The following GGNBP2 variants were observed in gnomAD, a reference collection of about 807,000 sequenced individuals.
GGNBP2 encodes gametogenetin binding protein 2.
Under a neutral mutation model 85.9 loss-of-function variants are expected in GGNBP2, and 10 were observed. That is an observed-to-expected ratio of 0.12 (90% CI 0.07 to 0.20). GGNBP2 has a LOEUF of 0.20. GGNBP2 is among the 10% of genes least tolerant of loss of function. The pLI, the probability that GGNBP2 is intolerant of heterozygous loss-of-function variation, is 1.00. For synonymous variants in GGNBP2, 287 were observed against 285.7 expected, an observed-to-expected ratio of 1.00 and a Z score of -0.05; for missense variants, 595 against 857.8, an observed-to-expected ratio of 0.69 and a Z score of 3.83.
At chr17:36,573,338 C>G (rs1416427030) in intron 6 of GGNBP2, among the ~76,000 whole-genome samples, 3 of 152,232 alleles carry the variant, frequency 2.0e-5, no homozygotes, top group Non-Finnish European at 4.4e-5. Context: ...GTCTTGAACT[C>G]CAGACCTCAA....
chr17:36,558,865 A>G (rs1210885526), intron 4 of GGNBP2, among the ~76,000 whole-genome samples: 2 of 152,048 alleles, frequency 1.3e-5, no homozygotes, highest in East Asian at 3.9e-4. Flanking sequence ...CTGTATTGAG[A>G]ATGAATGACG....
chr17:36,557,039 C>T (rs748263508), intron 3 of GGNBP2, 44 bp from the exon 4 acceptor site: 138 of 1,608,852 alleles, frequency 8.6e-5, no homozygotes, highest in Non-Finnish European at 1.1e-4. Flanking sequence ...TGTAATTTTA[C>T]GTCTTTTTAA....
intron 3 of GGNBP2, among the ~76,000 whole-genome samples, chr17:36,556,556 T>C (rs1360342064): frequency 1.3e-5 from 2 of 151,746 alleles, no homozygotes; most frequent in Non-Finnish European, 2.9e-5. Context: ...ATACTAAAAT[T>C]AGCCGGGCGT....
At chr17:36,546,131 G>A (rs2142657590) in intron 2 of GGNBP2, 1 of 425,510 alleles carries the variant, frequency 2.4e-6, no homozygotes, top group African/African-American at 2.0e-5. Flanking sequence ...GGGGTTGAAG[G>A]ATCTTGGGCG....
chr17:36,545,593 A>G (rs559151966), intron 1 of GGNBP2, 26 bp from the exon 2 acceptor site: 27 of 665,346 alleles, frequency 4.1e-5, no homozygotes, highest in Non-Finnish European at 7.0e-5. Context: ...GCGGGTGCTT[A>G]CGCTCGCGGG....
At chr17:36,558,231 C>T (rs888162670) in intron 4 of GGNBP2, among the ~76,000 whole-genome samples, 3 of 151,356 alleles carry the variant, frequency 2.0e-5, no homozygotes, top group Admixed American at 6.6e-5. Context: ...CTGGGCAACA[C>T]GCTGAAACCG....
At chr17:36,583,755 G>T (rs981965513) in intron 9 of GGNBP2, among the ~76,000 whole-genome samples, 21 of 152,186 alleles carry the variant, frequency 1.4e-4, no homozygotes, top group Non-Finnish European at 2.8e-4. Context: ...AAGCCACTGT[G>T]CCTGGCTGGG....
chr17:36,570,152 T>C (rs2074508968), intron 6 of GGNBP2, among the ~76,000 whole-genome samples: 1 of 151,330 alleles, frequency 6.6e-6, no homozygotes, highest in Non-Finnish European at 1.5e-5. Flanking sequence ...CCAAGTCAGG[T>C]AGATGGTTTG....
At chr17:36,555,872 C>T (rs772566331) in intron 3 of GGNBP2, among the ~76,000 whole-genome samples, 2 of 152,128 alleles carry the variant, frequency 1.3e-5, no homozygotes, top group African/African-American at 2.4e-5. Flanking sequence ...TTAGTATTTC[C>T]TGTCAAATAT....
intron 5 of GGNBP2, among the ~76,000 whole-genome samples, chr17:36,565,681 A>G (rs1008457008): frequency 1.3e-5 from 2 of 152,096 alleles, no homozygotes; most frequent in African/African-American, 4.8e-5. Flanking sequence ...GCAGATCACG[A>G]GGTCAGGAGT....
At chr17:36,572,549 C>G (rs967616008) in intron 6 of GGNBP2, among the ~76,000 whole-genome samples, 1 of 151,984 alleles carries the variant, frequency 6.6e-6, no homozygotes, top group South Asian at 2.1e-4. Context: ...ATTAGCCATG[C>G]GTGGTGGCAC....
intron 6 of GGNBP2, among the ~76,000 whole-genome samples, chr17:36,569,763 C>T (rs1261415167): frequency 6.6e-6 from 1 of 152,150 alleles, no homozygotes; most frequent in Admixed American, 6.6e-5. Context: ...AAACATATAT[C>T]CTTCCTCTTT....
At chr17:36,559,296 C>CAAA (rs892895973) in intron 4 of GGNBP2, among the ~76,000 whole-genome samples, 78 of 31,260 alleles carry the variant, frequency 2.5e-3, no homozygotes, top group African/African-American at 3.2e-3. Context: ...GACTCTGTCT[C>CAAA]AAAAAAAAAA....
In GGNBP2 at chr17:36,587,192, A is replaced by G. The variant is rs1475657549; in HGVS notation, c.1837A>G (p.Thr613Ala). The change falls in exon 13 of 14, where the codon ACG becomes GCG. Residue 613 changes from threonine to alanine, a missense_variant. Thr to Ala is a moderately conservative substitution (Grantham distance 58). Coordinates refer to ENST00000613102, the MANE Select transcript of GGNBP2 (RefSeq NM_024835.5). The part of the protein sequence containing the change: ...NVPQFAEPTE[T>A]LFGPDSGKGA... Reference sequence around the variant, plus strand: ...ACCACAGTTTGCAGAACCTACAGAAACGTTGTTTGGTCCCGATTCCGGAAA... The same window carrying G: ...ACCACAGTTTGCAGAACCTACAGAAGCGTTGTTTGGTCCCGATTCCGGAAA... 8.7e-6 allele frequency: 14 copies of G among 1,614,120 alleles called. No individual in the cohort carries two copies. The highest frequency in any genetic ancestry group is 1.7e-5 in the Admixed American group (1 of 60,018).
chr17:36,581,008 G>T (rs2074643705), intron 8 of GGNBP2, among the ~76,000 whole-genome samples: 1 of 152,074 alleles, frequency 6.6e-6, no homozygotes, highest in Non-Finnish European at 1.5e-5. Flanking sequence ...AAAGGGACCG[G>T]GCACGGTGGC....
chr17:36,572,424 A>G (rs930588997), intron 6 of GGNBP2, among the ~76,000 whole-genome samples: 1 of 152,202 alleles, frequency 6.6e-6, no homozygotes, highest in Non-Finnish European at 1.5e-5. Context: ...GGCTAAGCAC[A>G]GTGTCTCACA....
In GGNBP2 at chr17:36,567,014, TA is replaced by T. The variant is rs199712308; in HGVS notation, c.528-639del. Among the ~76,000 whole-genome samples, 6 of 149,646 alleles carry T rather than the reference TA, an allele frequency of 4.0e-5. No homozygotes were observed. The South Asian group carries it at 6.3e-4, about 16-fold the overall frequency. ...AGACCTTGTCTCTACAAAATAAAAG[TA>T]AAAAAAAAATTACTTGATGATGATC... On this transcript the variant is annotated intron_variant, in intron 5 of 13. Coordinates refer to ENST00000613102, the MANE Select transcript of GGNBP2 (RefSeq NM_024835.5).
chr17:36,571,640 G>C (rs1204292275), intron 6 of GGNBP2, among the ~76,000 whole-genome samples: 3 of 151,632 alleles, frequency 2.0e-5, no homozygotes, highest in Non-Finnish European at 4.4e-5. Context: ...AGGAGATTGA[G>C]ACTATCCTGG....
intron 7 of GGNBP2, chr17:36,578,782 T>C (rs553100875): frequency 6.5e-6 from 1 of 154,856 alleles, no homozygotes; most frequent in East Asian, 1.9e-4. Context: ...AGGGCTTTTT[T>C]ATCGCCAAAG....
Sources: allele counts gnomAD v4.1 joint callset (sites outside exome capture counted in the v4.1 genomes callset), GRCh38; gene constraint gnomAD v4.1.1; transcripts MANE v1.5; gene names NCBI Gene and HGNC (gene_info 2026-07-23, HGNC 2026-07-21).